Variants in ST6GALNAC1 observed in about 807,000 individuals in gnomAD.
The protein encoded by ST6GALNAC1 is ST6 N-acetylgalactosaminide alpha-2,6-sialyltransferase 1, also known as alpha-N-acetylgalactosaminide alpha-2,6-sialyltransferase 1.
Under a neutral mutation model 56.8 loss-of-function variants are expected in ST6GALNAC1, and 45 were observed. That is an observed-to-expected ratio of 0.79 (90% CI 0.62 to 1.02). The LOEUF (loss-of-function observed/expected upper bound fraction) is 1.02, where lower values mean the gene tolerates loss of function less well. ST6GALNAC1 is among the 50% of genes least tolerant of loss of function. The pLI is 0.00. For missense variants in ST6GALNAC1, 743 were observed against 754.8 expected (o/e 0.98, Z 0.18); for synonymous variants, 295 against 297.8 (o/e 0.99, Z 0.10).
At chr17:76,632,529 G>C (rs1028248486) in intron 1 of ST6GALNAC1, among the ~76,000 whole-genome samples, 1 of 152,080 alleles carries the variant, frequency 6.6e-6, no homozygotes, top group Non-Finnish European at 1.5e-5. Context: ...GACTCCTTTA[G>C]GTTTTGCAGG....
chr17:76,626,876 G>A, intron 4 of ST6GALNAC1, 87 bp from the exon 5 acceptor site: 1 of 1,557,588 alleles, frequency 6.4e-7, no homozygotes, highest in East Asian at 2.3e-5. Flanking sequence ...GAGAAATGGG[G>A]GAGGCAGCAG....
At chr17:76,621,848 C>T (rs2075744200), downstream of ST6GALNAC1, among the ~76,000 whole-genome samples, 1 of 152,094 alleles carries the variant, frequency 6.6e-6, no homozygotes, top group Admixed American at 6.5e-5. Flanking sequence ...CTGGGTAGAG[C>T]TCTCTGAACC....
downstream of ST6GALNAC1, among the ~76,000 whole-genome samples, chr17:76,620,522 A>T (rs1291906591): frequency 6.6e-6 from 1 of 150,914 alleles, no homozygotes. Flanking sequence ...CCCTATTCCT[A>T]TTTAGCCCCC....
At chr17:76,623,882 G>C (rs2075763683), downstream of ST6GALNAC1, among the ~76,000 whole-genome samples, 2 of 152,242 alleles carry the variant, frequency 1.3e-5, no homozygotes, top group African/African-American at 4.8e-5. Flanking sequence ...CAATATGGGA[G>C]TAAGGGGGCT....
At chr17:76,636,396 C>T (rs1209601837) in intron 1 of ST6GALNAC1, among the ~76,000 whole-genome samples, 1 of 151,974 alleles carries the variant, frequency 6.6e-6, no homozygotes, top group South Asian at 2.1e-4. Flanking sequence ...TGGTGGGTGG[C>T]GGAAATGAGA....
In ST6GALNAC1 at chr17:76,629,511, T is replaced by C; in HGVS notation, c.332A>G (p.Glu111Gly). Residue 111 changes from glutamate to glycine, a missense_variant, in exon 2 of 9, where the codon GAG (glutamate) becomes GGG (glycine). Coordinates refer to ENST00000156626, the MANE Select transcript of ST6GALNAC1 (RefSeq NM_018414.5). ...TGCTGTGTGGGGCACCTTGTCCTGC[T>C]CCTCCGGCGGTGCCTGGTTGGCCTC... ...GKEANQAPPE[E>G]QDKVPHTAQR... 6.2e-7 allele frequency: 1 copy of C among 1,614,038 alleles called. No individual in the cohort carries two copies.
intron 1 of ST6GALNAC1, among the ~76,000 whole-genome samples, chr17:76,638,973 C>T (rs1416736357): frequency 6.6e-6 from 1 of 152,176 alleles, no homozygotes; most frequent in Non-Finnish European, 1.5e-5. Flanking sequence ...GTCCTTTCTT[C>T]CTGTTCAAAC....
At chr17:76,637,272 T>TAAAAAAAAAAAAAAAA in intron 1 of ST6GALNAC1, among the ~76,000 whole-genome samples, 1 of 18,170 alleles carries the variant, frequency 5.5e-5, no homozygotes, top group Non-Finnish European at 9.3e-5. Context: ...CAATAAATAC[T>TAAAAAAAAAAAAAAAA]AAAAAAAAAA....
intron 1 of ST6GALNAC1, among the ~76,000 whole-genome samples, chr17:76,632,351 A>G (rs576127099): frequency 6.6e-6 from 1 of 151,944 alleles, no homozygotes; most frequent in Non-Finnish European, 1.5e-5. Flanking sequence ...GTGGTTTTTG[A>G]CATCACACAT....
At chr17:76,631,483 G>T (rs1567957463) in intron 1 of ST6GALNAC1, among the ~76,000 whole-genome samples, 1 of 152,144 alleles carries the variant, frequency 6.6e-6, no homozygotes, top group Non-Finnish European at 1.5e-5. Context: ...TATAAGAATA[G>T]AAAGTGTTTC....
intron 1 of ST6GALNAC1, among the ~76,000 whole-genome samples, chr17:76,642,093 C>A (rs2076055797): frequency 6.6e-6 from 1 of 150,728 alleles, no homozygotes; most frequent in Admixed American, 6.7e-5. Context: ...TATAGTATAT[C>A]AATATATAGC....
Position 76,626,639 on chromosome 17 carries a change from C to G in ST6GALNAC1, c.1311+12G>C. 6.2e-7 allele frequency: 1 copy of G among 1,614,094 alleles called. No homozygotes were observed. Among genetic ancestry groups the G allele is most frequent in the East Asian group, 2.2e-5 (1 of 44,880 alleles). On this transcript the variant is annotated intron_variant, in intron 5 of 8. Coordinates refer to ENST00000156626, the MANE Select transcript of ST6GALNAC1 (RefSeq NM_018414.5). ...AGTCTGGGTGTGGCCAGGCTCCTTCCTCTTTGCTCACCTTCCCAAGAGGCA... is the reference window on the plus strand; with the variant it reads ...AGTCTGGGTGTGGCCAGGCTCCTTCGTCTTTGCTCACCTTCCCAAGAGGCA...
chr17:76,629,112 G>C lies in ST6GALNAC1; in HGVS notation c.731C>G (p.Thr244Arg). The C allele has an allele frequency of 6.2e-7, 1 of 1,609,302 alleles. No individual in the cohort carries two copies. The highest frequency in any genetic ancestry group is 1.1e-5 in the South Asian group (1 of 90,890). Reference protein sequence around the residue: ...TPPPAPFQSPTTQRNQRLKAA... With the variant: ...TPPPAPFQSPRTQRNQRLKAA... ...CTTCAGTCTTTGGTTTCTCTGCGTC[G>C]TGGGGCTCTGGAAAGGGGCAGGGGG... is the stretch of plus-strand genomic sequence containing the variant. Residue 244 changes from threonine to arginine, a missense_variant, in exon 2 of 9, where the codon ACG (threonine) becomes AGG (arginine). Thr to Arg is a moderately conservative substitution (Grantham distance 71). Coordinates refer to ENST00000156626, the MANE Select transcript of ST6GALNAC1 (RefSeq NM_018414.5).
rs2075810120 is a variant in ST6GALNAC1 at position 76,627,013 on chromosome 17, G to A, written c.1172+54C>T. The A allele has an allele frequency of 1.3e-6, 2 of 1,507,020 alleles. No homozygotes were observed. The highest frequency in any genetic ancestry group is 8.9e-7 in the Non-Finnish European group (1 of 1,125,254). 93.4% of individuals were successfully genotyped at this position (1,507,020 alleles called of 1,614,324 possible). A position where few individuals can be genotyped will look rare whatever the true frequency, so the allele number is the denominator to read the frequency against. Reference sequence around the variant, plus strand: ...GGGGCAAGAGAGGGGCTGGAGGGGGGCTGGAGGGGGCAGGAGAGGGGCTGG... The same window carrying A: ...GGGGCAAGAGAGGGGCTGGAGGGGGACTGGAGGGGGCAGGAGAGGGGCTGG... On this transcript the variant is annotated intron_variant, in intron 4 of 8. Coordinates refer to ENST00000156626, the MANE Select transcript of ST6GALNAC1 (RefSeq NM_018414.5). This position sits in a 1 kb window ranked among gnomAD's most constrained non-coding sequence, Gnocchi z 4.4.
chr17:76,621,174 C>A (rs2075735914), downstream of ST6GALNAC1, among the ~76,000 whole-genome samples: 1 of 67,840 alleles, frequency 1.5e-5, no homozygotes, highest in Non-Finnish European at 3.5e-5. Flanking sequence ...TCTTTTCTTT[C>A]TTTCTTTCTT....
chr17:76,619,361 G>C, the ST6GALNAC1 span, among the ~76,000 whole-genome samples: 1 of 152,160 alleles, frequency 6.6e-6, no homozygotes, highest in Non-Finnish European at 1.5e-5. Context: ...ATGTATACGT[G>C]TGTGCATGTT....
At position 76,628,021 on chromosome 17, in the gene ST6GALNAC1, C is replaced by T. The variant is rs1018322125; in HGVS notation, c.832-438G>A. On this transcript the variant is annotated intron_variant, in intron 2 of 8. Transcript: ENST00000156626. ...CTGAGGCAGGAGAATGGCGTGAACCCGGGAAGCGGAGCTTGCAGTGAGCCG... is the reference window on the plus strand; with the variant it reads ...CTGAGGCAGGAGAATGGCGTGAACCTGGGAAGCGGAGCTTGCAGTGAGCCG... Among the ~76,000 whole-genome samples the T allele has an allele frequency of 2.4e-3, 367 of 150,262 alleles. 2 individuals carry two copies. Among genetic ancestry groups the T allele is most frequent in the African/African-American group, 8.7e-3 (356 of 40,784 alleles).
At chr17:76,635,642 A>C in intron 1 of ST6GALNAC1, among the ~76,000 whole-genome samples, 1 of 152,194 alleles carries the variant, frequency 6.6e-6, no homozygotes, top group Non-Finnish European at 1.5e-5. Flanking sequence ...GTCTCAAAAC[A>C]ACAACAACAA....
intron 1 of ST6GALNAC1, chr17:76,641,794 T>C (rs1452930180): frequency 6.6e-6 from 1 of 152,142 alleles, no homozygotes; most frequent in Non-Finnish European, 1.5e-5. Flanking sequence ...GTTGGTTAAG[T>C]AAACAGTACC....
Sources: allele counts gnomAD v4.1 joint callset (sites outside exome capture counted in the v4.1 genomes callset), GRCh38; gene constraint gnomAD v4.1.1; non-coding constraint Gnocchi (gnomAD v3.1); transcripts MANE v1.5; gene names NCBI Gene and HGNC (gene_info 2026-07-23, HGNC 2026-07-21).